Variants in SCN1A observed in about 807,000 individuals in gnomAD.
SCN1A encodes the protein sodium voltage-gated channel alpha subunit 1.
Under a neutral mutation model 193.7 loss-of-function variants are expected in SCN1A, and 13 were observed. The ratio of observed to expected loss-of-function variants is 0.07; its 90% CI spans 0.04 to 0.11. SCN1A has a LOEUF of 0.11. Ranked by LOEUF, SCN1A falls within the 10% of genes least tolerant of loss-of-function variation. The pLI is 1.00. For missense variants in SCN1A, 1,432 were observed against 2,451.1 expected, an observed-to-expected ratio of 0.58 and a Z score of 8.78; for synonymous variants, 781 against 843.6, an observed-to-expected ratio of 0.93 and a Z score of 1.29.
In SCN1A at chr2:165,992,467, G is replaced by A. The variant is rs1573954225; in HGVS notation, c.4853-45C>T. On this transcript the variant is annotated intron_variant, in intron 28 of 28. Coordinates refer to ENST00000674923, the MANE Select transcript of SCN1A (RefSeq NM_001165963.4). This position sits in a 1 kb window ranked among gnomAD's most constrained non-coding sequence, Gnocchi z 6.5. ...ATACCAACCAGTGAAGAAATCATGC[G>A]TTAAAATAAACATATGTTTCTTCTA... 3.7e-6 allele frequency: 6 copies of A among 1,606,066 alleles called. No individual in the cohort carries two copies. The highest frequency in any genetic ancestry group is 5.1e-6 in the Non-Finnish European group (6 of 1,173,512).
chr2:165,989,022 A>G lies in SCN1A; in HGVS notation c.*2223T>C, dbSNP rs1273332947. On this transcript the variant is annotated 3_prime_UTR_variant, in exon 29 of 29. Coordinates refer to ENST00000674923, the MANE Select transcript of SCN1A (RefSeq NM_001165963.4). ...CCTAGGTTTTGTTGTCAACGTGGGTATGCCTCTGTGTGTGTGTGTGTGTGT... is the reference window on the plus strand; with the variant it reads ...CCTAGGTTTTGTTGTCAACGTGGGTGTGCCTCTGTGTGTGTGTGTGTGTGT... 2 of 114,136 alleles carry G rather than the reference A, an allele frequency of 1.8e-5. No individual in the cohort carries two copies. The highest frequency in any genetic ancestry group is 6.9e-5 in the African/African-American group (2 of 28,792). 7.1% of individuals were successfully genotyped at this position (114,136 alleles called of 1,614,324 possible).
chr2:166,059,837 C>G (rs1683099920), intron 4 of SCN1A, among the ~76,000 whole-genome samples: 1 of 152,084 alleles, frequency 6.6e-6, no homozygotes. Flanking sequence ...TCAAGTAAAG[C>G]AAACCCACCC....
intron 13 of SCN1A, among the ~76,000 whole-genome samples, chr2:166,044,598 A>G (rs540979835): frequency 2.7e-4 from 41 of 152,340 alleles, no homozygotes; most frequent in African/African-American, 9.4e-4. Flanking sequence ...CTTTTGATCA[A>G]GTGTACCATG....
Position 166,054,630 on chromosome 2 carries a change from G to T in SCN1A, c.602+8C>A. ...GTTCTCTCTTAAAGTTTCAAAAAAGGCACTTACGCAAATGTAATGACAGTG... is the reference window on the plus strand; with the variant it reads ...GTTCTCTCTTAAAGTTTCAAAAAAGTCACTTACGCAAATGTAATGACAGTG... On this transcript the variant is annotated splice_region_variant and intron_variant, in intron 7 of 28. Transcript: ENST00000674923. 1 of 1,611,682 alleles carries T rather than the reference G, an allele frequency of 6.2e-7. No individual in the cohort carries two copies. The highest frequency in any genetic ancestry group is 1.1e-5 in the South Asian group (1 of 91,046).
chr2:166,041,623 C>T (rs1048790273), intron 15 of SCN1A, among the ~76,000 whole-genome samples, 154 bp from the exon 16 acceptor site: 1 of 152,126 alleles, frequency 6.6e-6, no homozygotes, highest in South Asian at 2.1e-4. Flanking sequence ...ACAGTTTACT[C>T]TAAACCTCCC....
chr2:166,145,592 A>G (rs1692290785), intron 1 of SCN1A, among the ~76,000 whole-genome samples: 1 of 152,116 alleles, frequency 6.6e-6, no homozygotes, highest in South Asian at 2.1e-4. Flanking sequence ...TCTATCGCAC[A>G]TATCAGGTCG....
chr2:165,998,312 T>A, intron 25 of SCN1A, 137 bp from the exon 26 acceptor site: 1 of 642,890 alleles, frequency 1.6e-6, no homozygotes. Context: ...ATCAACTACC[T>A]CTAAAAAACA....
intron 2 of SCN1A, chr2:166,092,655 C>T (rs908029454): frequency 7.2e-5 from 11 of 152,116 alleles, no homozygotes; most frequent in Admixed American, 7.2e-4. Flanking sequence ...CATGAGCCAC[C>T]ATGCTCAGGT....
intron 19 of SCN1A, among the ~76,000 whole-genome samples, chr2:166,027,426 A>G (rs1027538486): frequency 7.9e-5 from 12 of 152,030 alleles, no homozygotes; most frequent in African/African-American, 2.9e-4. Context: ...TACAATGTTT[A>G]TATTTTTATT....
chr2:165,999,973 G>T, intron 24 of SCN1A, 197 bp from the exon 25 acceptor site: 1 of 604,214 alleles, frequency 1.7e-6, no homozygotes, highest in South Asian at 1.9e-5. Flanking sequence ...TGAACAAAAT[G>T]GCCATTTGAT....
intron 2 of SCN1A, among the ~76,000 whole-genome samples, chr2:166,111,431 A>T (rs1259086907): frequency 2.6e-5 from 4 of 151,852 alleles, no homozygotes; most frequent in Admixed American, 2.6e-4. Context: ...ATTGAGACCT[A>T]CTGCTCAGAA....
intron 4 of SCN1A, among the ~76,000 whole-genome samples, chr2:166,067,202 C>G (rs189345226): frequency 6.6e-6 from 1 of 152,266 alleles, no homozygotes; most frequent in African/African-American, 2.4e-5. Context: ...ATCTAGATCA[C>G]TGAGTGTCTA....
rs10207252 is a variant in SCN1A at position 166,014,144 on chromosome 2, G to C, written c.3551-246C>G. On this transcript the variant is annotated intron_variant, in intron 20 of 28. Coordinates refer to ENST00000674923, the MANE Select transcript of SCN1A (RefSeq NM_001165963.4). The stretch of plus-strand genomic sequence containing the variant: ...TGCCTCACAGTGTTATTGTCCAAGA[G>C]AAACTTTGTAAATTACAAATAAATG... Among the ~76,000 whole-genome samples, 23,767 of 151,522 alleles carry C rather than the reference G, an allele frequency of 0.16. 1,990 individuals are homozygous for C. The highest frequency in any genetic ancestry group is 0.27 in the East Asian group (1,361 of 5,128).
chr2:166,026,099 A>C (rs1694720787), intron 19 of SCN1A, among the ~76,000 whole-genome samples: 1 of 152,102 alleles, frequency 6.6e-6, no homozygotes, highest in Non-Finnish European at 1.5e-5. Flanking sequence ...GAACTCCAGT[A>C]TATGGTTACT....
intron 24 of SCN1A, 185 bp from the exon 25 acceptor site, chr2:165,999,961 AT>A: frequency 1.6e-6 from 1 of 617,724 alleles, no homozygotes; most frequent in South Asian, 1.9e-5. Context: ...TAGAACACAT[AT>A]TGAACAAAAT....
In SCN1A at chr2:165,994,451, G is replaced by A; in HGVS notation, c.4582-35C>T. On this transcript the variant is annotated intron_variant, in intron 27 of 28. Coordinates refer to ENST00000674923, the MANE Select transcript of SCN1A (RefSeq NM_001165963.4). ...AATAGAAATGCTTTTAACAACAAAG[G>A]AGTTTTCTCATGTGCATTAGCATTA... 4 of 1,605,670 alleles carry A rather than the reference G, an allele frequency of 2.5e-6. No homozygotes were observed. In the East Asian group the frequency reaches 8.9e-5, roughly 36 times the overall value.
chr2:166,086,614 G>C (rs1293798134), intron 2 of SCN1A, among the ~76,000 whole-genome samples: 1 of 152,138 alleles, frequency 6.6e-6, no homozygotes, highest in Non-Finnish European at 1.5e-5. Flanking sequence ...CTGGCTGGAA[G>C]TTATGCTTCC....
chr2:166,103,578 G>T (rs979378584), intron 2 of SCN1A, among the ~76,000 whole-genome samples: 1 of 152,100 alleles, frequency 6.6e-6, no homozygotes, highest in Non-Finnish European at 1.5e-5. Flanking sequence ...GGGATATGAG[G>T]AGGGGGAAAA....
chr2:166,074,478 T>G (rs1684799355), intron 3 of SCN1A, among the ~76,000 whole-genome samples: 1 of 152,144 alleles, frequency 6.6e-6, no homozygotes, highest in African/African-American at 2.4e-5. Flanking sequence ...AACTAAGTGT[T>G]TTTCTTCACT....
Sources: allele counts gnomAD v4.1 joint callset (sites outside exome capture counted in the v4.1 genomes callset), GRCh38; gene constraint gnomAD v4.1.1; non-coding constraint Gnocchi (gnomAD v3.1); transcripts MANE v1.5; gene names NCBI Gene and HGNC (gene_info 2026-07-23, HGNC 2026-07-21).